Variants in GPC6 observed in about 807,000 individuals in gnomAD.
GPC6 encodes glypican 6.
In GPC6, 14 loss-of-function variants were observed where a neutral mutation model predicts 55.2. The ratio of observed to expected loss-of-function variants is 0.25; its 90% confidence interval spans 0.17 to 0.40. The LOEUF (loss-of-function observed/expected upper bound fraction) is 0.40. GPC6 is among the 10% of genes least tolerant of loss of function. GPC6 has a pLI of 1.00. For synonymous variants in GPC6, 278 were observed against 259.6 expected, an observed-to-expected ratio of 1.07 and a Z score of -0.68; for missense variants, 641 against 708.5, an observed-to-expected ratio of 0.90 and a Z score of 1.08.
intron 2 of GPC6, among the ~76,000 whole-genome samples, chr13:93,816,352 C>T (rs142504416): frequency 1.1e-4 from 16 of 152,190 alleles, no homozygotes; most frequent in East Asian, 1.9e-4. Context: ...ATAGACAGCA[C>T]GCTGTGCTTT....
At chr13:93,648,327 G>A (rs941796572) in intron 2 of GPC6, among the ~76,000 whole-genome samples, 4 of 152,086 alleles carry the variant, frequency 2.6e-5, no homozygotes, top group Admixed American at 6.5e-5. Context: ...TTACTGAAGA[G>A]AAAATAAAAT....
Position 94,027,738 on chromosome 13 carries a change from A to T in GPC6, c.721A>T (p.Thr241Ser), listed in dbSNP as rs748244134. The change falls in exon 4 of 9, where the codon ACC (threonine) becomes TCC (serine). Residue 241 changes from threonine to serine, a missense_variant. Thr to Ser is a moderately conservative substitution (Grantham distance 58, BLOSUM62 1). Coordinates refer to ENST00000377047, the MANE Select transcript of GPC6 (RefSeq NM_005708.5). ...VANRVSKVSPTPGCIRALMKM... is the reference protein window; with the variant it reads ...VANRVSKVSPSPGCIRALMKM... Reference sequence around the variant, plus strand: ...TGCAATAAATCTGCAGGTCAGCCCAACCCCAGGGTGTATCCGTGCCCTCAT... The same window carrying T: ...TGCAATAAATCTGCAGGTCAGCCCATCCCCAGGGTGTATCCGTGCCCTCAT... 6.2e-7 allele frequency: 1 copy of T among 1,613,944 alleles called. No homozygotes were observed. The highest frequency in any genetic ancestry group is 1.1e-5 in the South Asian group (1 of 91,074).
chr13:94,347,940 G>A (rs1416517185), intron 6 of GPC6, among the ~76,000 whole-genome samples: 2 of 152,352 alleles, frequency 1.3e-5, no homozygotes, highest in South Asian at 2.1e-4. Flanking sequence ...CAGATGTTAC[G>A]AAAAGCATGC....
chr13:94,029,825 T>G (rs1883043411), intron 4 of GPC6, among the ~76,000 whole-genome samples: 1 of 152,216 alleles, frequency 6.6e-6, no homozygotes, highest in African/African-American at 2.4e-5. Flanking sequence ...AAACAAATCC[T>G]TATGCTTTCG....
At chr13:93,306,086 A>G (rs1878847500) in intron 1 of GPC6, among the ~76,000 whole-genome samples, 1 of 152,228 alleles carries the variant, frequency 6.6e-6, no homozygotes, top group African/African-American at 2.4e-5. Flanking sequence ...TGTGTATGAC[A>G]CATAAAGTAA....
intron 4 of GPC6, among the ~76,000 whole-genome samples, chr13:94,254,021 T>G (rs72647604): frequency 0.017 from 2,517 of 152,270 alleles, 25 homozygotes; most frequent in Non-Finnish European, 0.024. Flanking sequence ...GAGCCATGAG[T>G]GCTGTTTCCT....
At chr13:93,915,650 A>G (rs557953559) in intron 3 of GPC6, among the ~76,000 whole-genome samples, 26 of 152,202 alleles carry the variant, frequency 1.7e-4, no homozygotes, top group Non-Finnish European at 2.9e-4. Context: ...GATCTTATTT[A>G]ATGAATATCA....
intron 4 of GPC6, among the ~76,000 whole-genome samples, chr13:94,265,127 CAT>C (rs919457353): frequency 1.6e-4 from 25 of 151,968 alleles, no homozygotes; most frequent in Non-Finnish European, 3.7e-4. Flanking sequence ...ATGTGATGCA[CAT>C]GAAAACAGGA....
rs1447693104 is a variant in GPC6 at position 93,903,142 on chromosome 13, A to G, written c.711+72597A>G. 3.3e-5 allele frequency among the ~76,000 whole-genome samples: 5 copies of G among 152,350 alleles called. No homozygotes were observed. The East Asian group carries it at 5.8e-4, about 18-fold the overall frequency. ...GAAGAAAACACAGGGGAAATGCTAC[A>G]TGACATTGGTCTGGGCAAGGTTTTT... On this transcript the variant is annotated intron_variant, in intron 3 of 8. Transcript: ENST00000377047.
At chr13:94,290,857 G>A (rs1332751594) in intron 5 of GPC6, among the ~76,000 whole-genome samples, 4 of 152,156 alleles carry the variant, frequency 2.6e-5, no homozygotes, top group African/African-American at 9.7e-5. Context: ...ACTTTAATAT[G>A]ATACATATCT....
chr13:93,510,882 C>T (rs1470615408), intron 1 of GPC6, among the ~76,000 whole-genome samples: 1 of 146,416 alleles, frequency 6.8e-6, no homozygotes, highest in African/African-American at 2.5e-5. Context: ...TTCCATTTCC[C>T]TGATCATAAG....
chr13:93,580,268 GCTCA>G (rs746141350), intron 2 of GPC6, among the ~76,000 whole-genome samples: 1 of 152,158 alleles, frequency 6.6e-6, no homozygotes, highest in African/African-American at 2.4e-5. Context: ...ATTCATGAGG[GCTCA>G]TGACCTATTC....
At chr13:93,466,337 G>A (rs1206006145) in intron 1 of GPC6, among the ~76,000 whole-genome samples, 1 of 152,148 alleles carries the variant, frequency 6.6e-6, no homozygotes, top group Non-Finnish European at 1.5e-5. Flanking sequence ...CGTATATCAC[G>A]TGATGTATAA....
At chr13:93,824,247 C>T (rs1341077559) in intron 2 of GPC6, among the ~76,000 whole-genome samples, 2 of 152,114 alleles carry the variant, frequency 1.3e-5, no homozygotes, top group African/African-American at 4.8e-5. Context: ...ATGCCATAGT[C>T]TTGCATATTA....
chr13:94,330,869 G>C (rs1442929377), intron 6 of GPC6, among the ~76,000 whole-genome samples: 1 of 151,514 alleles, frequency 6.6e-6, no homozygotes, highest in Non-Finnish European at 1.5e-5. Flanking sequence ...GGGTTTGTTG[G>C]GTTGATTGCT....
intron 1 of GPC6, among the ~76,000 whole-genome samples, chr13:93,513,586 A>T (rs1258544487): frequency 6.6e-6 from 1 of 152,140 alleles, no homozygotes; most frequent in Non-Finnish European, 1.5e-5. Flanking sequence ...TGCACCAGAG[A>T]TATTCTAAAA....
intron 4 of GPC6, among the ~76,000 whole-genome samples, chr13:94,207,535 C>A (rs965939547): frequency 7.9e-5 from 12 of 152,142 alleles, no homozygotes; most frequent in African/African-American, 2.9e-4. Context: ...TGGACTATGA[C>A]AAGTGGCATT....
intron 2 of GPC6, among the ~76,000 whole-genome samples, chr13:93,565,745 A>G (rs1018401605): frequency 1.3e-5 from 2 of 152,054 alleles, no homozygotes; most frequent in Admixed American, 6.5e-5. Context: ...AACATAGTGA[A>G]ACCCCATCTC....
At chr13:93,678,714 A>G (rs909727150) in intron 2 of GPC6, among the ~76,000 whole-genome samples, 1 of 152,158 alleles carries the variant, frequency 6.6e-6, no homozygotes. Flanking sequence ...ATAGCTGCCT[A>G]CATTTTGACC....
Sources: allele counts gnomAD v4.1 joint callset (sites outside exome capture counted in the v4.1 genomes callset), GRCh38; gene constraint gnomAD v4.1.1; transcripts MANE v1.5; gene names NCBI Gene and HGNC (gene_info 2026-07-23, HGNC 2026-07-21).